Variants in ATG7 observed in about 807,000 individuals in gnomAD.
The protein encoded by ATG7 is autophagy related 7.
ATG7 carries 70 observed loss-of-function variants against 82.4 expected under a neutral mutation model. That is an observed-to-expected ratio of 0.85 (90% CI 0.70 to 1.04). The LOEUF (loss-of-function observed/expected upper bound fraction) is 1.04, where lower values mean the gene tolerates loss of function less well. ATG7 is among the 50% of genes least tolerant of loss of function. ATG7 has a pLI of 0.00. For synonymous variants in ATG7, 287 were observed against 313.0 expected, an observed-to-expected ratio of 0.92 and a Z score of 0.88; for missense variants, 792 against 864.3, an observed-to-expected ratio of 0.92 and a Z score of 1.05.
At chr3:11,503,755 C>CAAAAAAAAAAAAAA (rs34065629) in intron 20 of ATG7, among the ~76,000 whole-genome samples, 1 of 76,960 alleles carries the variant, frequency 1.3e-5, no homozygotes, top group Non-Finnish European at 2.4e-5. Flanking sequence ...GACTCTGTCT[C>CAAAAAAAAAAAAAA]AAAAAAAAAA....
intron 20 of ATG7, among the ~76,000 whole-genome samples, chr3:11,550,652 C>T (rs2125059699): frequency 6.6e-6 from 1 of 152,290 alleles, no homozygotes; most frequent in East Asian, 1.9e-4. Context: ...CCCGCCTCAG[C>T]CTCCCAAAGT....
At chr3:11,348,096 A>G in intron 14 of ATG7, 61 bp downstream of exon 14, 1 of 1,539,420 alleles carries the variant, frequency 6.5e-7, no homozygotes, top group Non-Finnish European at 8.8e-7. Context: ...GTCTTGGGAA[A>G]TGAGGCCTGT....
intron 20 of ATG7, among the ~76,000 whole-genome samples, chr3:11,494,073 G>A (rs879484639): frequency 1.3e-5 from 2 of 152,250 alleles, no homozygotes; most frequent in Non-Finnish European, 2.9e-5. Context: ...TCTGGGTCCT[G>A]CTGCTTGCCA....
chr3:11,504,367 T>C (rs1055054516), intron 20 of ATG7, among the ~76,000 whole-genome samples: 1 of 152,192 alleles, frequency 6.6e-6, no homozygotes, highest in Non-Finnish European at 1.5e-5. Flanking sequence ...AACAAAACAT[T>C]TGTCTCCTAG....
chr3:11,458,116 C>T (rs1348265892), intron 20 of ATG7, among the ~76,000 whole-genome samples: 1 of 152,038 alleles, frequency 6.6e-6, no homozygotes, highest in East Asian at 1.9e-4. Flanking sequence ...AAACAGCCCT[C>T]TGTTTTGCTA....
chr3:11,526,267 T>G lies in ATG7; in HGVS notation c.2080-28544T>G, dbSNP rs561838371. 1.8e-4 allele frequency among the ~76,000 whole-genome samples: 28 copies of G among 152,180 alleles called. 1 individual carries two copies. The East Asian group carries it at 5.0e-3, about 27-fold the overall frequency. On this transcript the variant is annotated intron_variant, in intron 20 of 20. Coordinates refer to ENST00000693202, the MANE Select transcript of ATG7 (RefSeq NM_001349232.2). The stretch of plus-strand genomic sequence containing the variant: ...TTAGCCGGGCCTAGTGGTGCATGCC[T>G]GTAATCCCAGCTACTCAGGTGGCTG...
At chr3:11,379,201 T>C (rs2152845421) in intron 18 of ATG7, among the ~76,000 whole-genome samples, 1 of 152,342 alleles carries the variant, frequency 6.6e-6, no homozygotes, top group African/African-American at 2.4e-5. Flanking sequence ...GTCTGGTTTA[T>C]TATAAACGTT....
rs1011256436 is a variant in ATG7 at position 11,530,623 on chromosome 3, C to A, written c.2080-24188C>A. ...CTGTTGCCCTCCTGACCCCACCCTC[C>A]AGCAGTGACCCCCACTGAGCCAGTA... On this transcript the variant is annotated intron_variant, in intron 20 of 20. Transcript: ENST00000693202. Among the ~76,000 whole-genome samples the A allele has an allele frequency of 1.1e-4, 17 of 152,290 alleles. 1 individual carries two copies. Among genetic ancestry groups the A allele is most frequent in the Admixed American group, 3.3e-4 (5 of 15,302 alleles).
intron 20 of ATG7, among the ~76,000 whole-genome samples, chr3:11,534,733 C>T (rs939822648): frequency 1.3e-5 from 2 of 152,230 alleles, no homozygotes; most frequent in African/African-American, 4.8e-5. Context: ...TCCCTCCCAG[C>T]GCAGCCTGGT....
At chr3:11,405,996 TTTTG>T (rs1266555008) in intron 19 of ATG7, among the ~76,000 whole-genome samples, 15 of 41,562 alleles carry the variant, frequency 3.6e-4, no homozygotes, top group Non-Finnish European at 6.4e-4. Context: ...TTGTTTTTGT[TTTTG>T]TTTTTTGTAG....
chr3:11,321,404 C>CA (rs1950200832), intron 9 of ATG7, among the ~76,000 whole-genome samples: 1 of 79,262 alleles, frequency 1.3e-5, no homozygotes, highest in East Asian at 5.2e-4. Context: ...CTGGGACTGC[C>CA]ATGGTCTCAG....
chr3:11,395,143 G>C (rs1442353181), intron 19 of ATG7, among the ~76,000 whole-genome samples: 1 of 152,092 alleles, frequency 6.6e-6, no homozygotes, highest in African/African-American at 2.4e-5. Context: ...TAGGTGTATA[G>C]GCAATTATAT....
At chr3:11,449,209 A>G (rs990021905) in intron 20 of ATG7, among the ~76,000 whole-genome samples, 8 of 152,222 alleles carry the variant, frequency 5.3e-5, no homozygotes, top group Admixed American at 4.6e-4. Flanking sequence ...TAGGTGGGCC[A>G]AAATATGAGC....
chr3:11,567,998 G>A, the ATG7 span, among the ~76,000 whole-genome samples: 2 of 152,136 alleles, frequency 1.3e-5, no homozygotes, highest in African/African-American at 2.4e-5. Context: ...CTCAACCAGC[G>A]CTAGTTAAGT....
chr3:11,396,058 T>C (rs2079240688), intron 19 of ATG7, among the ~76,000 whole-genome samples: 1 of 151,800 alleles, frequency 6.6e-6, no homozygotes, highest in South Asian at 2.1e-4. Flanking sequence ...CAAAAGGACT[T>C]TTATTGGGTC....
intron 20 of ATG7, among the ~76,000 whole-genome samples, chr3:11,466,585 C>T (rs147273201): frequency 3.3e-4 from 51 of 152,308 alleles, no homozygotes; most frequent in African/African-American, 1.1e-3. Flanking sequence ...TAGACTACAG[C>T]GTCGGTGCTT....
chr3:11,423,279 T>A (rs888676692), intron 19 of ATG7, among the ~76,000 whole-genome samples: 3 of 152,134 alleles, frequency 2.0e-5, no homozygotes, highest in Non-Finnish European at 4.4e-5. Flanking sequence ...CAGTTTGTGG[T>A]GCCCCAAAAC....
At chr3:11,566,561 T>C in the ATG7 span, among the ~76,000 whole-genome samples, 1 of 152,200 alleles carries the variant, frequency 6.6e-6, no homozygotes, top group Non-Finnish European at 1.5e-5. Context: ...TCCTCATCTC[T>C]GGCTTCACGC....
chr3:11,464,762 C>A (rs1255814312), intron 20 of ATG7, among the ~76,000 whole-genome samples: 2 of 152,148 alleles, frequency 1.3e-5, no homozygotes, highest in Non-Finnish European at 2.9e-5. Context: ...CGAATAGGTT[C>A]TGGAGTCTGA....
Sources: gnomAD v4.1 joint callset for allele counts (sites outside exome capture counted in the v4.1 genomes callset) on GRCh38, gnomAD v4.1.1 for gene constraint, MANE v1.5 for transcripts, NCBI Gene and HGNC (gene_info 2026-07-23, HGNC 2026-07-21) for gene names.